Variants in LSAMP observed in about 807,000 individuals in gnomAD.
LSAMP encodes limbic system associated membrane protein.
In LSAMP, 7 loss-of-function variants were observed where a neutral mutation model predicts 38.6. That is an observed-to-expected ratio of 0.18 (90% CI 0.10 to 0.34). The LOEUF (loss-of-function observed/expected upper bound fraction) is 0.34. Among genes scored for constraint, LSAMP ranks in the 10% least tolerant of loss-of-function variants. LSAMP has a pLI of 1.00. For missense variants in LSAMP, 313 were observed against 420.0 expected (o/e 0.75, Z 2.23); for synonymous variants, 154 against 166.8 (o/e 0.92, Z 0.59).
intron 1 of LSAMP, among the ~76,000 whole-genome samples, chr3:116,390,203 G>T (rs2048675089): frequency 6.6e-6 from 1 of 151,462 alleles, no homozygotes; most frequent in Non-Finnish European, 1.5e-5. Flanking sequence ...ATAGCAACCT[G>T]GTGCCAAACA....
intron 3 of LSAMP, among the ~76,000 whole-genome samples, chr3:115,970,665 TTGAA>T (rs1358498496): frequency 1.3e-5 from 2 of 152,178 alleles, no homozygotes; most frequent in Non-Finnish European, 2.9e-5. Context: ...AGCTATGCAT[TTGAA>T]TGTATATATC....
chr3:115,937,349 G>A (rs981715212), intron 3 of LSAMP, among the ~76,000 whole-genome samples: 14 of 152,122 alleles, frequency 9.2e-5, no homozygotes, highest in African/African-American at 3.4e-4. Flanking sequence ...GCATAGAAAT[G>A]TAATGTCTTG....
chr3:115,858,742 G>A (rs1935585345), intron 3 of LSAMP, among the ~76,000 whole-genome samples: 1 of 152,200 alleles, frequency 6.6e-6, no homozygotes, highest in Admixed American at 6.5e-5. Context: ...TTGTGTTTGT[G>A]TGGGTCTGTG....
At chr3:116,137,752 A>G (rs1709282922) in intron 1 of LSAMP, among the ~76,000 whole-genome samples, 1 of 152,140 alleles carries the variant, frequency 6.6e-6, no homozygotes, top group Non-Finnish European at 1.5e-5. Flanking sequence ...TAGAGATGAG[A>G]CCATTGTGCT....
chr3:116,083,673 T>A (rs1707919980), intron 2 of LSAMP, among the ~76,000 whole-genome samples: 1 of 152,070 alleles, frequency 6.6e-6, no homozygotes, highest in South Asian at 2.1e-4. Flanking sequence ...TGGCAGGACA[T>A]AAAAAATCAA....
chr3:116,271,487 T>C (rs367890481), intron 1 of LSAMP, among the ~76,000 whole-genome samples: 1 of 152,138 alleles, frequency 6.6e-6, no homozygotes, highest in African/African-American at 2.4e-5. Flanking sequence ...CTTGATATAA[T>C]ACTCCCAGGT....
chr3:116,277,374 GTT>G (rs34545044), intron 1 of LSAMP, among the ~76,000 whole-genome samples: 1 of 144,968 alleles, frequency 6.9e-6, no homozygotes, highest in Non-Finnish European at 1.5e-5. Flanking sequence ...CTCATCTTGT[GTT>G]TTTTTTTTTT....
intron 3 of LSAMP, among the ~76,000 whole-genome samples, chr3:115,877,525 A>G (rs1018322260): frequency 6.6e-6 from 1 of 152,116 alleles, no homozygotes; most frequent in Admixed American, 6.6e-5. Context: ...CAGAACGACA[A>G]TGTAGCTCAG....
chr3:115,956,581 C>T (rs557833511), intron 3 of LSAMP, among the ~76,000 whole-genome samples: 2 of 152,004 alleles, frequency 1.3e-5, no homozygotes, highest in South Asian at 4.2e-4. Flanking sequence ...AGATGTCCTC[C>T]CTGAGAGCTG....
At chr3:115,996,514 G>C (rs569590358) in intron 3 of LSAMP, among the ~76,000 whole-genome samples, 1 of 152,008 alleles carries the variant, frequency 6.6e-6, no homozygotes, top group Non-Finnish European at 1.5e-5. Flanking sequence ...TAAATGTAAA[G>C]TTTTCCCCTT....
chr3:116,335,916 A>G (rs1434390384), intron 1 of LSAMP, among the ~76,000 whole-genome samples: 3 of 152,078 alleles, frequency 2.0e-5, no homozygotes, highest in Non-Finnish European at 2.9e-5. Flanking sequence ...ACACTGACAT[A>G]AAGTAAAAAA....
chr3:115,809,377 A>G lies in LSAMP; in HGVS notation c.*940T>C, dbSNP rs1933733025. 6.6e-6 allele frequency: 1 copy of G among 152,482 alleles called. No homozygotes were observed. The highest frequency in any genetic ancestry group is 6.5e-5 in the Admixed American group (1 of 15,284). The allele number at this position is 152,482 out of a possible 1,614,324, so 9.4% of individuals were successfully genotyped here. ...TACACACTGATGCCATGTGACAGCC[A>G]TGGATGTAGGGAGGACTCTGCTCCT... On this transcript the variant is annotated 3_prime_UTR_variant, in exon 7 of 7. Transcript: ENST00000490035.
At chr3:116,328,675 C>T (rs2047808109) in intron 1 of LSAMP, among the ~76,000 whole-genome samples, 1 of 152,044 alleles carries the variant, frequency 6.6e-6, no homozygotes, top group South Asian at 2.1e-4. Flanking sequence ...TCATTACTGC[C>T]TTGTCAACAA....
chr3:116,399,320 C>G (rs2048809655), intron 1 of LSAMP, among the ~76,000 whole-genome samples: 1 of 152,040 alleles, frequency 6.6e-6, no homozygotes. Flanking sequence ...ATTGGAGGGG[C>G]AACACAGAGC....
chr3:115,834,529 G>C, intron 6 of LSAMP: 1 of 1,277,650 alleles, frequency 7.8e-7, no homozygotes, highest in Non-Finnish European at 1.0e-6. Context: ...AATGACCCAG[G>C]AAGAGAGCTA....
At position 116,249,572 on chromosome 3, in the gene LSAMP, G is replaced by T. The variant is rs969078602; in HGVS notation, c.156-163016C>A. Reference sequence around the variant, plus strand: ...GCCTAATTTTTGTATTTTTGGTGGAGTGGGGGTTTCACCATGTTGGTCAGG... The same window carrying T: ...GCCTAATTTTTGTATTTTTGGTGGATTGGGGGTTTCACCATGTTGGTCAGG... On this transcript the variant is annotated intron_variant, in intron 1 of 6. Transcript: ENST00000490035. 3.4e-4 allele frequency among the ~76,000 whole-genome samples: 51 copies of T among 151,970 alleles called. 1 individual carries two copies. Among genetic ancestry groups the T allele is most frequent in the Admixed American group, 3.3e-3 (50 of 15,266 alleles).
chr3:116,043,842 A>G (rs1208245543), intron 2 of LSAMP, among the ~76,000 whole-genome samples: 1 of 152,224 alleles, frequency 6.6e-6, no homozygotes, highest in African/African-American at 2.4e-5. Flanking sequence ...GCTACTCCAG[A>G]GGCTGAGGCA....
chr3:116,143,376 GAATT>G (rs1441583897), intron 1 of LSAMP, among the ~76,000 whole-genome samples: 4 of 148,234 alleles, frequency 2.7e-5, no homozygotes, highest in South Asian at 2.2e-4. Flanking sequence ...AAAATAGAAA[GAATT>G]AATAAGACCT....
chr3:115,966,198 C>T (rs544846821), intron 3 of LSAMP, among the ~76,000 whole-genome samples: 5 of 152,304 alleles, frequency 3.3e-5, no homozygotes, highest in African/African-American at 1.2e-4. Flanking sequence ...AATGTGGATA[C>T]ACTGGCTGGA....
Sources: allele counts gnomAD v4.1 joint callset (sites outside exome capture counted in the v4.1 genomes callset), GRCh38; gene constraint gnomAD v4.1.1; transcripts MANE v1.5; gene names NCBI Gene and HGNC (gene_info 2026-07-23, HGNC 2026-07-21).